RHBDD3: variants seen among roughly 807,000 people sequenced by gnomAD.
The protein encoded by RHBDD3 is rhomboid domain containing 3.
RHBDD3 carries 34 observed loss-of-function variants against 32.3 expected under a neutral mutation model. The observed-to-expected ratio is 1.05, with a 90% CI of 0.80 to 1.40. RHBDD3 has a LOEUF of 1.40. RHBDD3 is among the 40% of genes most tolerant of loss of function. The probability of loss-of-function intolerance (pLI) is 0.00; values close to 1 mark genes in which losing one functional copy is unlikely to be tolerated. For synonymous variants in RHBDD3, 249 were observed against 239.1 expected (o/e 1.04, Z -0.38); for missense variants, 482 against 492.6 (o/e 0.98, Z 0.20).
rs745841216 is a variant in RHBDD3 at position 29,260,377 on chromosome 22, T to C, written c.932A>G (p.Gln311Arg). 16 of 1,612,460 alleles carry C rather than the reference T, an allele frequency of 9.9e-6. No homozygotes were observed. The highest frequency in any genetic ancestry group is 1.4e-5 in the Non-Finnish European group (16 of 1,179,688). ...IQASLLDGPA[Q>R]EPQSAPWLSK... The stretch of plus-strand genomic sequence containing the variant: ...CAGCCATGGTGCGCTCTGGGGTTCC[T>C]GGGCTGGCCCGTCAAGAAGCGAGGC... Residue 311 changes from glutamine (Q) to arginine (R), a missense_variant, in exon 6 of 7, where the codon CAG (glutamine) becomes CGG (arginine). Transcript: ENST00000216085.
chr22:29,264,137 C>A lies in RHBDD3; in HGVS notation c.230G>T (p.Gly77Val). ...GCCCAGGTGGCACTCCTGCTGCCAG[C>A]CCACAGTGGGCAGGAGCAGCAGGCT... ...LLSLLLLPTV[G>V]WQQECHLGTL... The change falls in exon 4 of 7, where the codon GGC (glycine) becomes GTC (valine). Residue 77 changes from glycine (G) to valine (V), a missense_variant. Coordinates refer to ENST00000216085, the MANE Select transcript of RHBDD3 (RefSeq NM_012265.3). The A allele has an allele frequency of 1.3e-6, 2 of 1,585,478 alleles. No individual in the cohort carries two copies. The highest frequency in any genetic ancestry group is 1.8e-5 in the Admixed American group (1 of 55,924).
At chr22:29,265,907 C>T (rs2146525429) in intron 2 of RHBDD3, among the ~76,000 whole-genome samples, 1 of 152,242 alleles carries the variant, frequency 6.6e-6, no homozygotes, top group Non-Finnish European at 1.5e-5. Flanking sequence ...CTTCTGAGTC[C>T]TGATAGGCCC....
rs1191630679 is a variant in RHBDD3 at position 29,260,757 on chromosome 22, G to T, written c.640C>A (p.Leu214Ile). 4 of 1,600,830 alleles carry T rather than the reference G, an allele frequency of 2.5e-6. No individual in the cohort carries two copies. Among genetic ancestry groups the T allele is most frequent in the Non-Finnish European group, 2.6e-6 (3 of 1,174,992 alleles). The change falls in exon 5 of 7, where the codon CTT (leucine) becomes ATT (isoleucine). Residue 214 changes from leucine to isoleucine, a missense_variant. By Grantham distance (5) the Leu-to-Ile change is conservative. Transcript: ENST00000216085. ...TLAGCWPLRL[L>I]ATPGSLAELP... ...TCCGCCAGGCTACCCGGGGTGGCAAGGAGCCTCAGGGGCCAGCACCCCGCC... is the reference window on the plus strand; with the variant it reads ...TCCGCCAGGCTACCCGGGGTGGCAATGAGCCTCAGGGGCCAGCACCCCGCC...
chr22:29,261,223 T>G (rs2058114142), intron 4 of RHBDD3: 1 of 519,814 alleles, frequency 1.9e-6, no homozygotes, highest in Non-Finnish European at 3.8e-6. Flanking sequence ...CAGACAGGCC[T>G]GGATAACTCC....
At chr22:29,262,673 C>T (rs950994036) in intron 4 of RHBDD3, among the ~76,000 whole-genome samples, 7 of 152,152 alleles carry the variant, frequency 4.6e-5, no homozygotes, top group African/African-American at 7.2e-5. Flanking sequence ...TATTCCAATC[C>T]GTGAACATGA....
In RHBDD3 at chr22:29,263,864, A is replaced by G. The variant is rs2058146828; in HGVS notation, c.503T>C (p.Leu168Pro). Reference protein sequence around the residue: ...LLSSEPPFLQLLCGLLAGLAY... With the variant: ...LLSSEPPFLQPLCGLLAGLAY... ...CAGGCCGGCAAGGAGGCCGCAAAGGAGCTGCAGGAAGGGTGGCTCAGAGCT... is the reference window on the plus strand; with the variant it reads ...CAGGCCGGCAAGGAGGCCGCAAAGGGGCTGCAGGAAGGGTGGCTCAGAGCT... Residue 168 changes from leucine (L) to proline (P), a missense_variant, in exon 4 of 7, where the codon CTC (leucine) becomes CCC (proline). Transcript: ENST00000216085. The G allele has an allele frequency of 6.5e-7, 1 of 1,543,288 alleles. No individual in the cohort carries two copies. The highest frequency in any genetic ancestry group is 8.8e-7 in the Non-Finnish European group (1 of 1,141,724).
Position 29,264,009 on chromosome 22 carries a change from C to A in RHBDD3, c.358G>T (p.Gly120Ter). The part of the protein sequence containing the change: ...LGLSSAAGSC[G>*]YMPVHLAMLA... ...ATGGCCAGGTGGACAGGCATGTATC[C>A]ACAGCTGCCGGCTGCACTGGACAGC... The change falls in exon 4 of 7, where the codon GGA becomes TGA. Residue 120 changes from glycine to a stop codon, truncating the protein, a stop_gained. Coordinates refer to ENST00000216085, the MANE Select transcript of RHBDD3 (RefSeq NM_012265.3). LOFTEE classifies it high-confidence loss of function. 1 of 1,553,794 alleles carries A rather than the reference C, an allele frequency of 6.4e-7. No homozygotes were observed. Among genetic ancestry groups the A allele is most frequent in the East Asian group, 2.4e-5 (1 of 41,416 alleles).
At chr22:29,261,436 T>A (rs767552353) in intron 4 of RHBDD3, 3 of 432,956 alleles carry the variant, frequency 6.9e-6, no homozygotes, top group South Asian at 1.6e-5. Flanking sequence ...CTACAAAAAA[T>A]TTTTAAAATT....
chr22:29,260,692 T>C lies in RHBDD3; in HGVS notation c.695+10A>G. The stretch of plus-strand genomic sequence containing the variant: ...ACCACCTGGACTGGCATCCCCCCCA[T>C]CACCCTCACCTCACTCCGGCAGGAT... On this transcript the variant is annotated intron_variant, in intron 5 of 6. Coordinates refer to ENST00000216085, the MANE Select transcript of RHBDD3 (RefSeq NM_012265.3). The C allele has an allele frequency of 1.3e-6, 2 of 1,560,074 alleles. No homozygotes were observed. Among genetic ancestry groups the C allele is most frequent in the South Asian group, 1.2e-5 (1 of 82,582 alleles).
chr22:29,263,393 G>A (rs562676404), intron 4 of RHBDD3, among the ~76,000 whole-genome samples: 1 of 152,094 alleles, frequency 6.6e-6, no homozygotes, highest in East Asian at 1.9e-4. Flanking sequence ...TGGCCAGGCT[G>A]GTCTTGAACT....
upstream of RHBDD3, chr22:29,268,131 C>T (rs180730916): frequency 4.5e-5 from 29 of 640,192 alleles, no homozygotes; most frequent in Non-Finnish European, 7.3e-5. Flanking sequence ...CCGAGTGTCA[C>T]GTCGGGCGCT....
chr22:29,260,840 A>C lies in RHBDD3; in HGVS notation c.557T>G (p.Leu186Arg), dbSNP rs781231217. ...LAYAAGAFRW[L>R]EPSERRLQVL... ...CTGCAGCCGTCGCTCTGAGGGTTCCAGCCACCGGAAGGCCCCAGCTGCATC... is the reference window on the plus strand; with the variant it reads ...CTGCAGCCGTCGCTCTGAGGGTTCCCGCCACCGGAAGGCCCCAGCTGCATC... Residue 186 changes from leucine (L) to arginine (R), a missense_variant, in exon 5 of 7, where the codon CTG becomes CGG. Leu to Arg is a moderately radical substitution (Grantham distance 102). Coordinates refer to ENST00000216085, the MANE Select transcript of RHBDD3 (RefSeq NM_012265.3). The C allele has an allele frequency of 6.3e-7, 1 of 1,596,584 alleles. No homozygotes were observed. Among genetic ancestry groups the C allele is most frequent in the Non-Finnish European group, 8.5e-7 (1 of 1,173,538 alleles).
intron 2 of RHBDD3, among the ~76,000 whole-genome samples, chr22:29,266,924 A>T (rs2058208015): frequency 6.6e-6 from 1 of 152,156 alleles, no homozygotes; most frequent in African/African-American, 2.4e-5. Context: ...CCCAGCTCAA[A>T]TATCCCTTCC....
chr22:29,262,543 T>C (rs1045689148), intron 4 of RHBDD3, among the ~76,000 whole-genome samples: 3 of 152,216 alleles, frequency 2.0e-5, no homozygotes, highest in Non-Finnish European at 2.9e-5. Context: ...CATTTCCATA[T>C]TATTTTTAGG....
Position 29,265,484 on chromosome 22 carries a change from CA to C in RHBDD3, c.142del (p.Trp48GlyfsTer7). On this transcript the variant is annotated frameshift_variant, in exon 3 of 7. Transcript: ENST00000216085. LOFTEE classifies it high-confidence loss of function. The stretch of plus-strand genomic sequence containing the variant: ...TCCACGTGGCTGGCCCTCACCCTGC[CA>C]GGGGTCCAGCAACAGCTCCGGGGCC... ...VLAPELLLDP[W>X]QVHRLLTHAL... is the part of the protein sequence containing the mutation. The C allele has an allele frequency of 6.5e-7, 1 of 1,529,644 alleles. No individual in the cohort carries two copies. Among genetic ancestry groups the C allele is most frequent in the Non-Finnish European group, 8.7e-7 (1 of 1,146,114 alleles). The allele number at this position is 1,529,644 out of a possible 1,614,324, so 94.8% of individuals were successfully genotyped here. A position where few individuals can be genotyped will look rare whatever the true frequency, so the allele number is the denominator to read the frequency against.
chr22:29,260,811 G>C lies in RHBDD3; in HGVS notation c.586C>G (p.Leu196Val). ...LEPSERRLQVLQEGVLCRTLA... is the reference protein window; with the variant it reads ...LEPSERRLQVVQEGVLCRTLA... ...GTCCTGCACAAGACGCCCTCCTGCA[G>C]CACCTGCAGCCGTCGCTCTGAGGGT... Residue 196 changes from leucine (L) to valine (V), a missense_variant, in exon 5 of 7, where the codon CTG becomes GTG. Coordinates refer to ENST00000216085, the MANE Select transcript of RHBDD3 (RefSeq NM_012265.3). 1 of 1,607,324 alleles carries C rather than the reference G, an allele frequency of 6.2e-7. No individual in the cohort carries two copies.
At chr22:29,265,766 G>A (rs2058169653) in intron 2 of RHBDD3, 98 bp from the exon 3 acceptor site, 1 of 1,252,984 alleles carries the variant, frequency 8.0e-7, no homozygotes, top group Non-Finnish European at 1.1e-6. Context: ...TTACAGAGGT[G>A]GAAACAGGCT....
rs373482042 is a variant in RHBDD3, at chr22:29,260,205, G to T, written c.1016C>A (p.Thr339Lys). Residue 339 changes from threonine to lysine, a missense_variant, in exon 7 of 7, where the codon ACG becomes AAG. Thr to Lys is a moderately conservative substitution (Grantham distance 78, BLOSUM62 -1). Coordinates refer to ENST00000216085, the MANE Select transcript of RHBDD3 (RefSeq NM_012265.3). ...LQQLERMGFP[T>K]EQAVVALAAT... ...TGCCAGTGCCACCACCGCCTGCTCC[G>T]TAGGGAAGCCCATGCGCTCCAGCTG... is the stretch of plus-strand genomic sequence containing the variant. The T allele has an allele frequency of 1.9e-6, 3 of 1,597,406 alleles. No homozygotes were observed. The South Asian group carries it at 3.4e-5, about 18-fold the overall frequency.
In RHBDD3 at chr22:29,260,888, C is replaced by T. The variant is rs767460360; in HGVS notation, c.533-24G>A. 2.4e-5 allele frequency: 37 copies of T among 1,526,760 alleles called. No homozygotes were observed. In the East Asian group the frequency reaches 7.5e-4, roughly 31 times the overall value. 94.6% of individuals were successfully genotyped at this position (1,526,760 alleles called of 1,614,324 possible). ...ATCTGTCTGCCCGGGGCAGGGCGGC[C>T]GGTCAAGGAAAACCAAAAGCAGCCA... is the stretch of plus-strand genomic sequence containing the variant. On this transcript the variant is annotated intron_variant, in intron 4 of 6. Transcript: ENST00000216085.
Sources: gnomAD v4.1 joint callset for allele counts (sites outside exome capture counted in the v4.1 genomes callset) on GRCh38, gnomAD v4.1.1 for gene constraint, MANE v1.5 for transcripts, NCBI Gene and HGNC (gene_info 2026-07-23, HGNC 2026-07-21) for gene names.